The following ACO1 variants were observed in gnomAD, a reference collection of about 807,000 sequenced individuals.
ACO1 encodes aconitase 1.
In ACO1, 78 loss-of-function variants were observed where a neutral mutation model predicts 105.1. The ratio of observed to expected loss-of-function variants is 0.74; its 90% confidence interval spans 0.62 to 0.90. The LOEUF (loss-of-function observed/expected upper bound fraction) is 0.90, where lower values mean the gene tolerates loss of function less well. Ranked by LOEUF, ACO1 falls within the 40% of genes least tolerant of loss-of-function variation. ACO1 has a pLI of 0.00. For synonymous variants in ACO1, 364 were observed against 397.4 expected (o/e 0.92, Z 1.00); for missense variants, 965 against 1,111.1 (o/e 0.87, Z 1.87).
rs546349681 is a variant in ACO1, at chr9:32,407,510, C to T, written c.266+81C>T. The T allele has an allele frequency of 1.1e-5, 14 of 1,306,192 alleles. No homozygotes were observed. In the African/African-American group the frequency reaches 1.8e-4, roughly 17 times the overall value. 80.9% of individuals were successfully genotyped at this position (1,306,192 alleles called of 1,614,324 possible). On this transcript the variant is annotated intron_variant, in intron 3 of 20. Transcript: ENST00000309951. ...GTTTTCTTTTAAACAAATGAAAACA[C>T]TCTGCAATGACTATATACTTTATTA...
chr9:32,433,470 A>T (rs2118523862), intron 15 of ACO1, among the ~76,000 whole-genome samples: 1 of 152,206 alleles, frequency 6.6e-6, no homozygotes, highest in South Asian at 2.1e-4. Flanking sequence ...TGCTGGGCTC[A>T]AGCCATCCTC....
At chr9:32,449,146 G>A (rs564435965) in intron 20 of ACO1, 65 bp downstream of exon 20, 207 of 1,485,858 alleles carry the variant, frequency 1.4e-4, no homozygotes, top group Middle Eastern at 1.1e-3. Context: ...AACCAGTCTT[G>A]TTAGAAGGAA....
intron 1 of ACO1, among the ~76,000 whole-genome samples, chr9:32,395,502 C>T (rs1052062293): frequency 3.0e-4 from 45 of 151,962 alleles, no homozygotes; most frequent in African/African-American, 9.4e-4. Flanking sequence ...AACCAAAAAA[C>T]TTAGATGCAG....
At chr9:32,412,487 C>T (rs376937778) in intron 4 of ACO1, among the ~76,000 whole-genome samples, 42 of 152,312 alleles carry the variant, frequency 2.8e-4, no homozygotes, top group African/African-American at 1.0e-3. Context: ...TAACTGAGTT[C>T]CTGGCAGCCT....
intron 1 of ACO1, among the ~76,000 whole-genome samples, chr9:32,391,755 C>G (rs936076778): frequency 1.3e-5 from 2 of 152,212 alleles, no homozygotes; most frequent in African/African-American, 4.8e-5. Flanking sequence ...GAAGAGGTGT[C>G]AGTCTAGGAA....
intron 4 of ACO1, among the ~76,000 whole-genome samples, chr9:32,409,474 C>T (rs1180038571): frequency 6.6e-6 from 1 of 152,186 alleles, no homozygotes; most frequent in Non-Finnish European, 1.5e-5. Flanking sequence ...AACTAAACAA[C>T]TCTGAGGATA....
chr9:32,431,768 T>C lies in ACO1; in HGVS notation c.1776T>C (p.Thr592=). Residue 592 remains threonine (T), a synonymous_variant, in exon 15 of 21, where the codon ACT becomes ACC. Transcript: ENST00000309951. ...QQVFLKDIWP[T]RDEIQAVERQ... Reference sequence around the variant, plus strand: ...TATTTCTGAAAGATATCTGGCCGACTAGAGACGAGATCCAGGCAGTGGAGC... The same window carrying C: ...TATTTCTGAAAGATATCTGGCCGACCAGAGACGAGATCCAGGCAGTGGAGC... 12 of 1,614,120 alleles carry C rather than the reference T, an allele frequency of 7.4e-6. No homozygotes were observed. Among genetic ancestry groups the C allele is most frequent in the African/African-American group, 5.3e-5 (4 of 75,024 alleles).
At chr9:32,417,424 A>T (rs921782885) in intron 4 of ACO1, among the ~76,000 whole-genome samples, 1 of 152,168 alleles carries the variant, frequency 6.6e-6, no homozygotes, top group African/African-American at 2.4e-5. Context: ...TTATGAGCAC[A>T]TTCTGTGTGC....
At chr9:32,397,789 A>T (rs763991205) in intron 1 of ACO1, among the ~76,000 whole-genome samples, 6 of 152,160 alleles carry the variant, frequency 3.9e-5, no homozygotes, top group Non-Finnish European at 7.3e-5. Flanking sequence ...AAGAGAGGAA[A>T]ACAGAAGGGC....
intron 1 of ACO1, among the ~76,000 whole-genome samples, chr9:32,390,009 G>C (rs1777631735): frequency 6.6e-6 from 1 of 152,152 alleles, no homozygotes; most frequent in Non-Finnish European, 1.5e-5. Flanking sequence ...TGTTGGCCAG[G>C]TTGGTCTCGA....
chr9:32,408,529 G>T lies in ACO1; in HGVS notation c.282G>T (p.Val94=), dbSNP rs1821664077. 6.2e-7 allele frequency: 1 copy of T among 1,614,118 alleles called. No individual in the cohort carries two copies. The highest frequency in any genetic ancestry group is 1.3e-5 in the African/African-American group (1 of 75,012). ...CTTCTCTTAGGGGTGTGCCCGCTGTGGTTGACTTTGCTGCAATGCGTGATG... is the reference window on the plus strand; with the variant it reads ...CTTCTCTTAGGGGTGTGCCCGCTGTTGTTGACTTTGCTGCAATGCGTGATG... The part of the protein sequence containing the change: ...ILQDFTGVPA[V]VDFAAMRDAV... The change falls in exon 4 of 21, where the codon GTG becomes GTT. Residue 94 remains valine (V), a synonymous_variant. Transcript: ENST00000309951.
rs1205990985 is a variant in ACO1, at chr9:32,452,400, C to T, written c.*2289C>T. On this transcript the variant is annotated 3_prime_UTR_variant, in exon 21 of 21. Transcript: ENST00000309951. Reference sequence around the variant, plus strand: ...ACTCAAGATAAGATAGAGACCCCCTCATTTCTTCTGCCATGGGAGAACACA... The same window carrying T: ...ACTCAAGATAAGATAGAGACCCCCTTATTTCTTCTGCCATGGGAGAACACA... 1 of 152,236 alleles carries T rather than the reference C, an allele frequency of 6.6e-6. No individual in the cohort carries two copies. The highest frequency in any genetic ancestry group is 1.5e-5 in the Non-Finnish European group (1 of 68,068). The allele number at this position is 152,236 out of a possible 1,614,324, so 9.4% of individuals were successfully genotyped here.
At position 32,423,336 on chromosome 9, in the gene ACO1, T is replaced by A. The variant is rs149639885; in HGVS notation, c.988T>A (p.Leu330Ile). The A allele has an allele frequency of 2.5e-6, 4 of 1,593,682 alleles. No individual in the cohort carries two copies. The African/African-American group carries it at 5.4e-5, about 22-fold the overall frequency. The change falls in exon 9 of 21, where the codon TTA becomes ATA. Residue 330 changes from leucine (L) to isoleucine (I), a missense_variant. Transcript: ENST00000309951. ...LVQTGRDEEK[L>I]KYIKKYLQAV... ...CCTTTTAGGTCGTGATGAAGAAAAA[T>A]TAAAGTATATTAAAAAATATCTTCA... is the stretch of plus-strand genomic sequence containing the variant.
At chr9:32,419,463 C>T (rs7026133) in intron 7 of ACO1, among the ~76,000 whole-genome samples, 24,792 of 152,150 alleles carry the variant, frequency 0.16, 2,444 homozygotes, top group Middle Eastern at 0.3. Flanking sequence ...TTCATATGCC[C>T]ACCACCTAGA....
chr9:32,416,256 G>A (rs896300399), intron 4 of ACO1, among the ~76,000 whole-genome samples: 4 of 151,850 alleles, frequency 2.6e-5, no homozygotes, highest in South Asian at 2.1e-4. Context: ...CACCATGCCC[G>A]GCTAATTTTT....
chr9:32,451,750 T>TTTGTA lies in ACO1; in HGVS notation c.*1639_*1640insTTGTA, dbSNP rs1171002099. Reference sequence around the variant, plus strand: ...CTTGCGGTCCTGGGGATCTTATTTATATTCATTTAAAAAATAAATTACAAA... The same window carrying TTTGTA: ...CTTGCGGTCCTGGGGATCTTATTTATTTGTAATTCATTTAAAAAATAAATTACAAA... On this transcript the variant is annotated 3_prime_UTR_variant, in exon 21 of 21. Coordinates refer to ENST00000309951, the MANE Select transcript of ACO1 (RefSeq NM_002197.3). The TTTGTA allele has an allele frequency of 6.6e-6, 1 of 152,214 alleles. No individual in the cohort carries two copies. Among genetic ancestry groups the TTTGTA allele is most frequent in the Non-Finnish European group, 1.5e-5 (1 of 68,044 alleles). The allele number at this position is 152,214 out of a possible 1,614,324, so 9.4% of individuals were successfully genotyped here. A position where few individuals can be genotyped will look rare whatever the true frequency, so the allele number is the denominator to read the frequency against.
chr9:32,449,952 G>A (rs1268511509), intron 20 of ACO1, 46 bp from the exon 21 acceptor site: 11 of 1,524,718 alleles, frequency 7.2e-6, no homozygotes, highest in Non-Finnish European at 1.0e-5. Flanking sequence ...GAGCAGAGCT[G>A]TCTCGCCACC....
At chr9:32,399,950 AT>A (rs1821453219) in intron 1 of ACO1, among the ~76,000 whole-genome samples, 2 of 60,054 alleles carry the variant, frequency 3.3e-5, no homozygotes, top group African/African-American at 1.3e-4. Flanking sequence ...TATTTCTTTT[AT>A]TTTTTTCTTT....
At chr9:32,414,810 T>C (rs954996813) in intron 4 of ACO1, among the ~76,000 whole-genome samples, 1 of 152,188 alleles carries the variant, frequency 6.6e-6, no homozygotes, top group African/African-American at 2.4e-5. Flanking sequence ...AGAGATGCTT[T>C]CCTTTTTTAA....
Sources: allele counts gnomAD v4.1 joint callset (sites outside exome capture counted in the v4.1 genomes callset), GRCh38; gene constraint gnomAD v4.1.1; transcripts MANE v1.5; gene names NCBI Gene and HGNC (gene_info 2026-07-23, HGNC 2026-07-21).